Variants in DENND2C observed in about 807,000 individuals in gnomAD.
The protein encoded by DENND2C is DENN domain-containing protein 2C.
A neutral mutation model predicts 112.4 loss-of-function variants in DENND2C; 72 were observed. The ratio of observed to expected loss-of-function variants is 0.64; its 90% CI spans 0.53 to 0.78. The LOEUF is 0.78. DENND2C is among the 30% of genes least tolerant of loss of function. The pLI is 0.00. For missense variants in DENND2C, 992 were observed against 1,113.8 expected (o/e 0.89, Z 1.56); for synonymous variants, 329 against 381.6 (o/e 0.86, Z 1.61).
rs142557924 is a variant in DENND2C, at chr1:114,615,640, G to T, written c.1324+2746C>A. On this transcript the variant is annotated intron_variant, in intron 8 of 20. Coordinates refer to ENST00000393274, the MANE Select transcript of DENND2C (RefSeq NM_001256404.2). The stretch of plus-strand genomic sequence containing the variant: ...TTTTAGTAATTGCCTCTCAAATTAT[G>T]AAAACTCACGTTAAAAACAGTGACC... 8.8e-3 allele frequency among the ~76,000 whole-genome samples: 1,346 copies of T among 152,320 alleles called. 10 individuals carry two copies. Among genetic ancestry groups the T allele is most frequent in the Non-Finnish European group, 0.015 (1,026 of 68,028 alleles).
chr1:114,600,088 G>A, intron 15 of DENND2C, 116 bp downstream of exon 15: 1 of 1,181,592 alleles, frequency 8.5e-7, no homozygotes, highest in Non-Finnish European at 1.2e-6. Context: ...TGCACGTTGT[G>A]CACATGTACC....
intron 8 of DENND2C, among the ~76,000 whole-genome samples, chr1:114,615,828 C>A (rs1298877003): frequency 6.6e-6 from 1 of 152,182 alleles, no homozygotes; most frequent in Non-Finnish European, 1.5e-5. Flanking sequence ...GTAATCCCAG[C>A]ACTTTGGGAG....
intron 8 of DENND2C, among the ~76,000 whole-genome samples, chr1:114,617,214 T>TA (rs1379013788): frequency 6.6e-6 from 1 of 152,204 alleles, no homozygotes; most frequent in Admixed American, 6.5e-5. Context: ...GAATCTTGCG[T>TA]AAGTTTTTAA....
intron 8 of DENND2C, among the ~76,000 whole-genome samples, chr1:114,617,496 AGAC>A (rs1656005983): frequency 6.6e-6 from 1 of 152,026 alleles, no homozygotes; most frequent in Non-Finnish European, 1.5e-5. Flanking sequence ...TTTTTAGTAG[AGAC>A]AGGTTTCTCT....
intron 13 of DENND2C, 144 bp downstream of exon 13, chr1:114,601,364 G>C (rs1052120098): frequency 2.9e-5 from 22 of 750,900 alleles, no homozygotes; most frequent in Non-Finnish European, 4.4e-5. Context: ...AAATGGATTA[G>C]AGATGTAAGT....
intron 18 of DENND2C, among the ~76,000 whole-genome samples, chr1:114,593,561 G>A (rs1190399370): frequency 6.6e-6 from 1 of 152,118 alleles, no homozygotes; most frequent in Non-Finnish European, 1.5e-5. Flanking sequence ...AAGGCGGAAG[G>A]ATTGCTTGAG....
At chr1:114,640,142 C>T (rs1325383563) in intron 3 of DENND2C, among the ~76,000 whole-genome samples, 3 of 152,154 alleles carry the variant, frequency 2.0e-5, no homozygotes, top group Non-Finnish European at 4.4e-5. Flanking sequence ...TCAATTTCAA[C>T]GATTTACACC....
intron 2 of DENND2C, among the ~76,000 whole-genome samples, chr1:114,651,270 T>TAC (rs1260419712): frequency 1.1e-4 from 8 of 75,746 alleles, no homozygotes; most frequent in East Asian, 2.5e-4. Context: ...AGACCTTCCC[T>TAC]ACACATACAC....
At chr1:114,643,179 A>G (rs1472708193) in intron 3 of DENND2C, among the ~76,000 whole-genome samples, 4 of 152,204 alleles carry the variant, frequency 2.6e-5, no homozygotes, top group Admixed American at 6.6e-5. Context: ...GAAGACTTAA[A>G]GTAAACCTCA....
intron 1 of DENND2C, among the ~76,000 whole-genome samples, chr1:114,661,591 G>C (rs1275903908): frequency 6.6e-6 from 1 of 152,040 alleles, no homozygotes; most frequent in East Asian, 1.9e-4. Context: ...ATTTTCATTT[G>C]CAACATTATA....
At chr1:114,617,459 C>T (rs951650768) in intron 8 of DENND2C, among the ~76,000 whole-genome samples, 8 of 151,986 alleles carry the variant, frequency 5.3e-5, no homozygotes, top group Admixed American at 3.3e-4. Context: ...TATGGGCACA[C>T]GCCACCACGC....
intron 18 of DENND2C, 115 bp downstream of exon 18, chr1:114,594,358 G>T: frequency 1.2e-6 from 1 of 827,186 alleles, no homozygotes; most frequent in African/African-American, 1.7e-5. Context: ...AGGATTTTCA[G>T]CGCACAGGCA....
chr1:114,599,723 A>G (rs1014157704), intron 15 of DENND2C, among the ~76,000 whole-genome samples: 6 of 152,214 alleles, frequency 3.9e-5, no homozygotes, highest in African/African-American at 1.4e-4. Flanking sequence ...TAGGGTAAGC[A>G]AAATGCATTT....
intron 2 of DENND2C, among the ~76,000 whole-genome samples, chr1:114,646,939 C>T (rs1177578019): frequency 6.6e-6 from 1 of 152,026 alleles, no homozygotes; most frequent in Non-Finnish European, 1.5e-5. Flanking sequence ...GTGGGAGGAT[C>T]ACCTGAGGTC....
At position 114,585,633 on chromosome 1, in the gene DENND2C, T is replaced by C; in HGVS notation, c.2756-2A>G. The C allele has an allele frequency of 3.7e-6, 6 of 1,613,524 alleles. No homozygotes were observed. The highest frequency in any genetic ancestry group is 4.2e-6 in the Non-Finnish European group (5 of 1,179,480). On this transcript the variant is annotated splice_acceptor_variant, in intron 20 of 20. Coordinates refer to ENST00000393274, the MANE Select transcript of DENND2C (RefSeq NM_001256404.2). LOFTEE classifies it high-confidence loss of function. ...TTTGCAGAAATTTCATTTTGCTTCC[T>C]AAAGGGAAAGAAAAGTACAGTGAAT...
intron 16 of DENND2C, among the ~76,000 whole-genome samples, chr1:114,596,543 T>C (rs755991597): frequency 1.4e-4 from 22 of 152,312 alleles, no homozygotes; most frequent in Non-Finnish European, 2.8e-4. Flanking sequence ...TGTTTAAATA[T>C]GCCCTTATGT....
chr1:114,663,184 G>GA (rs1379161607), intron 1 of DENND2C, among the ~76,000 whole-genome samples: 2 of 152,072 alleles, frequency 1.3e-5, no homozygotes, highest in Non-Finnish European at 2.9e-5. Flanking sequence ...CAGGGCAGAA[G>GA]AAAAAGAGAA....
At chr1:114,594,438 C>T (rs1032716925) in intron 18 of DENND2C, 35 bp downstream of exon 18, 4 of 1,550,978 alleles carry the variant, frequency 2.6e-6, no homozygotes, top group Non-Finnish European at 2.7e-6. Context: ...TACCTTAACC[C>T]TTAACCTTAA....
At chr1:114,611,724 G>A (rs980652438) in intron 8 of DENND2C, among the ~76,000 whole-genome samples, 1 of 151,324 alleles carries the variant, frequency 6.6e-6, no homozygotes, top group Non-Finnish European at 1.5e-5. Flanking sequence ...TGGGGACAAG[G>A]GGCTATCTTG....
Sources: allele counts gnomAD v4.1 joint callset (sites outside exome capture counted in the v4.1 genomes callset), GRCh38; gene constraint gnomAD v4.1.1; transcripts MANE v1.5; gene names NCBI Gene and HGNC (gene_info 2026-07-23, HGNC 2026-07-21).